Variants in ZNF512B observed in about 807,000 individuals in gnomAD.
ZNF512B encodes zinc finger protein 512B.
Under a neutral mutation model 87.8 loss-of-function variants are expected in ZNF512B, and 22 were observed. The observed-to-expected ratio is 0.25, with a 90% CI of 0.18 to 0.36. The LOEUF (loss-of-function observed/expected upper bound fraction) is 0.36. Among genes scored for constraint, ZNF512B ranks in the 10% least tolerant of loss-of-function variants. The probability of loss-of-function intolerance (pLI) is 1.00; values close to 1 mark genes in which losing one functional copy is unlikely to be tolerated. For missense variants in ZNF512B, 1,060 were observed against 1,231.6 expected, an observed-to-expected ratio of 0.86 and a Z score of 2.09; for synonymous variants, 524 against 490.9, an observed-to-expected ratio of 1.07 and a Z score of -0.89.
Position 63,962,727 on chromosome 20 carries a change from C to G in ZNF512B, c.2023G>C (p.Glu675Gln). The G allele has an allele frequency of 6.2e-7, 1 of 1,602,980 alleles. No individual in the cohort carries two copies. The highest frequency in any genetic ancestry group is 1.3e-5 in the African/African-American group (1 of 74,970). ...CGGACACGCCCGCTTGGGGTCCGCT[C>G]CACACCCAGCGGGTCCTCAGCCTCA... ...SPEAEDPLGV[E>Q]RTPSGRVRRT... Residue 675 changes from glutamate (E) to glutamine (Q), a missense_variant, in exon 13 of 17, where the codon GAG (glutamate) becomes CAG (glutamine). By Grantham distance (29) the Glu-to-Gln change is conservative. Around this residue, in one of 9 missense-constraint regions of ZNF512B, gnomAD observed 165 missense variants for 173.0 expected, o/e 0.95. Transcript: ENST00000369888.
intron 4 of ZNF512B, 46 bp downstream of exon 4, chr20:63,966,830 C>A: frequency 6.2e-7 from 1 of 1,611,096 alleles, no homozygotes; most frequent in Non-Finnish European, 8.5e-7. Flanking sequence ...GGCCTCTGCC[C>A]AAACACACCC....
chr20:63,964,028 C>T (rs756146559), intron 8 of ZNF512B, 43 bp downstream of exon 8: 11 of 1,595,076 alleles, frequency 6.9e-6, no homozygotes, highest in East Asian at 2.2e-5. Flanking sequence ...GGGATCTACC[C>T]GCCGTCTAGA....
chr20:63,960,051 G>C lies in ZNF512B; in HGVS notation c.2516C>G (p.Ala839Gly), dbSNP rs2058832751. Reference protein sequence around the residue: ...VPKKEKKKNLAGGKKRGRKPK... With the variant: ...VPKKEKKKNLGGGKKRGRKPK... The stretch of plus-strand genomic sequence containing the variant: ...CTTTCGGCCCCGCTTCTTTCCACCT[G>C]CCAGATTTTTCTTCTTTTCCTTCTT... Residue 839 changes from alanine (A) to glycine (G), a missense_variant, in exon 17 of 17, where the codon GCA becomes GGA. Physicochemically the swap from Ala to Gly is moderately conservative, Grantham distance 60 (BLOSUM62 0). Transcript: ENST00000369888. 1 of 1,613,858 alleles carries C rather than the reference G, an allele frequency of 6.2e-7. No homozygotes were observed. Among genetic ancestry groups the C allele is most frequent in the African/African-American group, 1.3e-5 (1 of 74,944 alleles).
At chr20:63,960,299 G>A (rs184199658) in intron 16 of ZNF512B, among the ~76,000 whole-genome samples, 160 bp from the exon 17 acceptor site, 5 of 148,010 alleles carry the variant, frequency 3.4e-5, no homozygotes, top group East Asian at 2.0e-4. Context: ...CCTGCAGCAG[G>A]GGGCTGAACA....
At chr20:63,967,711 T>C in intron 2 of ZNF512B, 119 bp downstream of exon 2, 1 of 1,511,550 alleles carries the variant, frequency 6.6e-7, no homozygotes, top group Non-Finnish European at 8.9e-7. Flanking sequence ...GGTAAGGTCC[T>C]TGGGAACTCT....
rs1174198752 is a variant in ZNF512B at position 63,963,276 on chromosome 20, G to C, written c.1798-11C>G. The C allele has an allele frequency of 6.5e-7, 1 of 1,541,864 alleles. No homozygotes were observed. The highest frequency in any genetic ancestry group is 2.0e-5 in the Admixed American group (1 of 51,280). ...GGCAGCCCCGCAACCCTGGGGGTCA[G>C]GCCAGAGGGTGGGTGAGTGGCCAGC... is the stretch of plus-strand genomic sequence containing the variant. On this transcript the variant is annotated splice_polypyrimidine_tract_variant and intron_variant, in intron 11 of 16. Transcript: ENST00000369888.
intron 1 of ZNF512B, among the ~76,000 whole-genome samples, chr20:63,968,222 A>AC (rs1383671590): frequency 2.6e-5 from 4 of 151,752 alleles, no homozygotes; most frequent in African/African-American, 7.3e-5. Context: ...CAACTTCCAG[A>AC]CCCCCTTCCC....
chr20:63,962,909 C>G, intron 12 of ZNF512B, 128 bp from the exon 13 acceptor site: 1 of 1,270,290 alleles, frequency 7.9e-7, no homozygotes, highest in South Asian at 1.5e-5. Flanking sequence ...ATGGCTGACG[C>G]AGGCAACCCG....
Position 63,959,978 on chromosome 20 carries a change from G to A in ZNF512B, c.2589C>T (p.Arg863=), listed in dbSNP as rs761958370. ...PEEPVAKLPP[R]RDDWPPGCRD... ...TGCATCCTGGAGGCCAGTCGTCCCG[G>A]CGCGGGGGCAGCTTGGCCACAGGCT... The change falls in exon 17 of 17, where the codon CGC becomes CGT. Residue 863 remains arginine, a synonymous_variant. Coordinates refer to ENST00000369888, the MANE Select transcript of ZNF512B (RefSeq NM_020713.3). The A allele has an allele frequency of 4.3e-6, 7 of 1,612,512 alleles. No individual in the cohort carries two copies. The East Asian group carries it at 1.6e-4, about 36-fold the overall frequency.
At position 63,965,700 on chromosome 20, in the gene ZNF512B, T is replaced by C. The variant is rs552481386; in HGVS notation, c.1034+441A>G. On this transcript the variant is annotated intron_variant, in intron 5 of 16. Coordinates refer to ENST00000369888, the MANE Select transcript of ZNF512B (RefSeq NM_020713.3). ...TGGGACGAGCCCCCATACCTTTTCT[T>C]ACCACTGTTCCTCCCCGACCTGGGA... is the stretch of plus-strand genomic sequence containing the variant. 5.7e-4 allele frequency among the ~76,000 whole-genome samples: 8 copies of C among 13,946 alleles called. No individual in the cohort carries two copies. The South Asian group carries it at 0.014, about 25-fold the overall frequency. The allele number at this position is 13,946 out of a possible 152,430, so 9.1% of individuals were successfully genotyped here.
At chr20:63,962,087 C>T in intron 14 of ZNF512B, 83 bp from the exon 15 acceptor site, 1 of 1,476,956 alleles carries the variant, frequency 6.8e-7, no homozygotes, top group Non-Finnish European at 9.2e-7. Context: ...CAGGGGATCT[C>T]TGAGGCTCTT....
chr20:63,967,070 A>C, intron 3 of ZNF512B, 66 bp from the exon 4 acceptor site: 1 of 1,601,870 alleles, frequency 6.2e-7, no homozygotes, highest in African/African-American at 1.3e-5. Flanking sequence ...CCCGAGCCCC[A>C]GACTCAGAGC....
At chr20:63,968,942 A>AGG (rs1260000809) in intron 1 of ZNF512B, among the ~76,000 whole-genome samples, 3 of 152,252 alleles carry the variant, frequency 2.0e-5, no homozygotes, top group Admixed American at 6.5e-5. Flanking sequence ...GACAGGAAGC[A>AGG]GGGTGAGGGT....
intron 5 of ZNF512B, among the ~76,000 whole-genome samples, chr20:63,965,894 T>C (rs553272651): frequency 1.6e-4 from 4 of 24,874 alleles, no homozygotes; most frequent in African/African-American, 4.0e-4. Flanking sequence ...CACTGTTCCC[T>C]GACCTGGGAC....
At position 63,967,394 on chromosome 20, in the gene ZNF512B, A is replaced by T; in HGVS notation, c.251T>A (p.Leu84His). The T allele has an allele frequency of 6.2e-7, 1 of 1,609,420 alleles. No homozygotes were observed. ...KGRPKAENQA[L>H]RDIPLSLMND... ...GAGGGAGCTCACAGGAATGTCTCGGAGGGCCTGGTTCTCGGCTTTTGGCCG... is the reference window on the plus strand; with the variant it reads ...GAGGGAGCTCACAGGAATGTCTCGGTGGGCCTGGTTCTCGGCTTTTGGCCG... Residue 84 changes from leucine (L) to histidine (H), a missense_variant, in exon 3 of 17, where the codon CTC (leucine) becomes CAC (histidine). This residue lies in a region of ZNF512B where 134 missense variants were observed against 153.6 expected (regional missense o/e 0.87). Coordinates refer to ENST00000369888, the MANE Select transcript of ZNF512B (RefSeq NM_020713.3).
chr20:63,960,458 C>A (rs1254552648), intron 16 of ZNF512B, among the ~76,000 whole-genome samples: 1 of 150,110 alleles, frequency 6.7e-6, no homozygotes, highest in Non-Finnish European at 1.5e-5. Context: ...CAGGCAAGCA[C>A]CTGCAGCAGG....
At chr20:63,962,976 G>T in intron 12 of ZNF512B, 119 bp downstream of exon 12, 2 of 1,347,412 alleles carry the variant, frequency 1.5e-6, no homozygotes, top group Non-Finnish European at 2.0e-6. Flanking sequence ...CTTACAGAGA[G>T]GGGTGGGAAA....
chr20:63,961,501 G>T lies in ZNF512B; in HGVS notation c.2329-94C>A. 1.6e-6 allele frequency: 2 copies of T among 1,228,312 alleles called. No homozygotes were observed. Among genetic ancestry groups the T allele is most frequent in the Non-Finnish European group, 1.2e-6 (1 of 851,906 alleles). 76.1% of individuals were successfully genotyped at this position (1,228,312 alleles called of 1,614,324 possible). On this transcript the variant is annotated intron_variant, in intron 15 of 16. Coordinates refer to ENST00000369888, the MANE Select transcript of ZNF512B (RefSeq NM_020713.3). The surrounding 1 kb of genome is among the most constrained non-coding windows in gnomAD (Gnocchi z 6.4). ...TGGCTAAAGGGTCAGAGTCAGCGGTGGCCCAAGGAAAGCTGTGGCTGTCTG... is the reference window on the plus strand; with the variant it reads ...TGGCTAAAGGGTCAGAGTCAGCGGTTGCCCAAGGAAAGCTGTGGCTGTCTG...
Position 63,962,295 on chromosome 20 carries a change from C to A in ZNF512B, c.2243G>T (p.Gly748Val). The A allele has an allele frequency of 6.2e-7, 1 of 1,612,314 alleles. No homozygotes were observed. The highest frequency in any genetic ancestry group is 8.5e-7 in the Non-Finnish European group (1 of 1,179,912). The stretch of plus-strand genomic sequence containing the variant: ...CACGTCGTTGGGACAGTTGACGTGG[C>A]CTTTCTCCTTCACTTCATTCTTCCA... ...EAWKNEVKEK[G>V]HVNCPNDCCE... is the part of the protein sequence containing the mutation. Residue 748 changes from glycine (G) to valine (V), a missense_variant, in exon 14 of 17, where the codon GGC becomes GTC. Physicochemically the swap from Gly to Val is moderately radical, Grantham distance 109. Transcript: ENST00000369888.
Sources: gnomAD v4.1 joint callset for allele counts (sites outside exome capture counted in the v4.1 genomes callset) on GRCh38, gnomAD v4.1.1 for gene constraint, gnomAD v4.1.1 regional missense constraint, Gnocchi (gnomAD v3.1) non-coding constraint, MANE v1.5 for transcripts, NCBI Gene and HGNC (gene_info 2026-07-23, HGNC 2026-07-21) for gene names.